MSRA: variants seen among roughly 807,000 people sequenced by gnomAD.
MSRA encodes the protein methionine sulfoxide reductase A.
In MSRA, 54 loss-of-function variants were observed where a neutral mutation model predicts 31.3. The ratio of observed to expected loss-of-function variants is 1.73; its 90% CI spans 1.39 to 2.17. The LOEUF (loss-of-function observed/expected upper bound fraction) is 2.17, where lower values mean the gene tolerates loss of function less well. Among genes scored for constraint, MSRA ranks in the 30% most tolerant of loss-of-function variants. The pLI, the probability that MSRA is intolerant of heterozygous loss-of-function variation, is 0.00. For missense variants in MSRA, 507 were observed against 300.9 expected, an observed-to-expected ratio of 1.69 and a Z score of -5.07; for synonymous variants, 169 against 116.5, an observed-to-expected ratio of 1.45 and a Z score of -2.90.
chr8:10,110,423 A>AAGTC (rs1261416231), intron 1 of MSRA, among the ~76,000 whole-genome samples: 18 of 152,172 alleles, frequency 1.2e-4, no homozygotes, highest in Admixed American at 9.8e-4. Context: ...GGGCCAAAGG[A>AAGTC]GACTCCACTG....
intron 1 of MSRA, among the ~76,000 whole-genome samples, chr8:10,192,045 C>A (rs540162193): frequency 3.9e-5 from 6 of 152,072 alleles, no homozygotes; most frequent in African/African-American, 9.7e-5. Context: ...GGCAAGCCTC[C>A]GTTTCCTGCC....
chr8:10,312,689 AT>A (rs1167147712), intron 4 of MSRA, among the ~76,000 whole-genome samples: 1 of 152,244 alleles, frequency 6.6e-6, no homozygotes, highest in African/African-American at 2.4e-5. Context: ...ATATAAGAAA[AT>A]AATACATCAT....
At chr8:10,075,442 G>A (rs1346285917) in intron 1 of MSRA, among the ~76,000 whole-genome samples, 2 of 152,186 alleles carry the variant, frequency 1.3e-5, no homozygotes, top group African/African-American at 4.8e-5. Flanking sequence ...TGTGTCCAGT[G>A]GCTGACTTTC....
intron 2 of MSRA, among the ~76,000 whole-genome samples, chr8:10,239,690 A>G (rs1812242702): frequency 6.6e-6 from 1 of 152,196 alleles, no homozygotes; most frequent in Non-Finnish European, 1.5e-5. Context: ...ATAAAAGTGT[A>G]CTGTTTTGGG....
At chr8:10,102,507 A>G (rs551237336) in intron 1 of MSRA, among the ~76,000 whole-genome samples, 4 of 152,128 alleles carry the variant, frequency 2.6e-5, no homozygotes, top group Non-Finnish European at 4.4e-5. Flanking sequence ...TTTCATGCCC[A>G]TTTTTAGTTG....
At chr8:10,148,976 A>G (rs974435746) in intron 1 of MSRA, among the ~76,000 whole-genome samples, 1 of 126,772 alleles carries the variant, frequency 7.9e-6, no homozygotes, top group Non-Finnish European at 1.7e-5. Context: ...TTTTTTTTTG[A>G]GACATAGTGT....
intron 3 of MSRA, among the ~76,000 whole-genome samples, chr8:10,272,073 A>G (rs536936347): frequency 1.3e-5 from 2 of 152,192 alleles, no homozygotes; most frequent in Admixed American, 1.3e-4. Context: ...CTATTCTCCA[A>G]CCATGGATGC....
At chr8:10,242,070 G>A (rs1336882771) in intron 2 of MSRA, among the ~76,000 whole-genome samples, 1 of 152,168 alleles carries the variant, frequency 6.6e-6, no homozygotes, top group African/African-American at 2.4e-5. Flanking sequence ...TCAGGAGTTC[G>A]AGACCAGCCT....
chr8:10,101,541 C>G (rs1401307138), intron 1 of MSRA, among the ~76,000 whole-genome samples: 2 of 152,132 alleles, frequency 1.3e-5, no homozygotes, highest in African/African-American at 4.8e-5. Context: ...CTTCCCTTCC[C>G]CAAACCCCGC....
intron 1 of MSRA, among the ~76,000 whole-genome samples, chr8:10,148,128 C>T (rs1803318374): frequency 6.6e-6 from 1 of 152,040 alleles, no homozygotes; most frequent in Non-Finnish European, 1.5e-5. Flanking sequence ...GGCTCTGCAG[C>T]CGGAAAGGAG....
At chr8:10,283,258 A>G (rs1189468354) in intron 3 of MSRA, among the ~76,000 whole-genome samples, 1 of 151,980 alleles carries the variant, frequency 6.6e-6, no homozygotes, top group Non-Finnish European at 1.5e-5. Flanking sequence ...AGATTTCAGT[A>G]TCACACGGTG....
At chr8:10,188,739 G>GT (rs1807264152) in intron 1 of MSRA, among the ~76,000 whole-genome samples, 1 of 152,188 alleles carries the variant, frequency 6.6e-6, no homozygotes, top group Non-Finnish European at 1.5e-5. Flanking sequence ...CCACTCATTT[G>GT]TAGAACTTAT....
At chr8:10,171,663 C>A (rs377477895) in intron 1 of MSRA, among the ~76,000 whole-genome samples, 1 of 152,130 alleles carries the variant, frequency 6.6e-6, no homozygotes, top group African/African-American at 2.4e-5. Context: ...CAGTTAATTA[C>A]CTAAAGATTA....
At position 10,395,817 on chromosome 8, in the gene MSRA, G is replaced by A. The variant is rs1201391829; in HGVS notation, c.544-32331G>A. 2.0e-5 allele frequency among the ~76,000 whole-genome samples: 3 copies of A among 152,236 alleles called. No homozygotes were observed. The South Asian group carries it at 6.2e-4, about 32-fold the overall frequency. ...AGCTACAGATGTCCCATCTTCTGTG[G>A]GTTTCAGAGGCACATATCTTTAATA... On this transcript the variant is annotated intron_variant, in intron 5 of 5. Coordinates refer to ENST00000317173, the MANE Select transcript of MSRA (RefSeq NM_012331.5).
At chr8:10,124,865 TTAAAAA>T (rs1247705908) in intron 1 of MSRA, among the ~76,000 whole-genome samples, 1 of 152,358 alleles carries the variant, frequency 6.6e-6, no homozygotes, top group East Asian at 1.9e-4. Context: ...CAGTTCTACC[TTAAAAA>T]TAAAGCTATT....
chr8:10,160,370 C>CT (rs1241999147), intron 1 of MSRA, among the ~76,000 whole-genome samples: 1 of 151,994 alleles, frequency 6.6e-6, no homozygotes, highest in Non-Finnish European at 1.5e-5. Context: ...TGGTGGGCCC[C>CT]TGTAGTCCCA....
At chr8:10,392,660 C>G (rs1044229670) in intron 5 of MSRA, among the ~76,000 whole-genome samples, 1 of 149,042 alleles carries the variant, frequency 6.7e-6, no homozygotes, top group Non-Finnish European at 1.5e-5. Context: ...TGCCTGTGAC[C>G]ATCACTTGGC....
rs539696673 is a variant in MSRA, at chr8:10,088,190, C to A, written c.142+33532C>A. On this transcript the variant is annotated intron_variant, in intron 1 of 5. Transcript: ENST00000317173. ...CTGTAGAAAGACTTCCCCATGCTAC[C>A]ATCTGTAACCACCAACTACGGGAAC... 6.6e-5 allele frequency among the ~76,000 whole-genome samples: 10 copies of A among 152,292 alleles called. No individual in the cohort carries two copies. In the East Asian group the frequency reaches 1.7e-3, roughly 26 times the overall value.
intron 5 of MSRA, among the ~76,000 whole-genome samples, chr8:10,334,126 C>T (rs896567257): frequency 2.0e-5 from 3 of 151,506 alleles, no homozygotes; most frequent in African/African-American, 7.3e-5. Context: ...TTCCTGCCTG[C>T]GTTAATATCA....
Sources: gnomAD v4.1 joint callset for allele counts (sites outside exome capture counted in the v4.1 genomes callset) on GRCh38, gnomAD v4.1.1 for gene constraint, MANE v1.5 for transcripts, NCBI Gene and HGNC (gene_info 2026-07-23, HGNC 2026-07-21) for gene names.